PDE3A: variants seen among roughly 807,000 people sequenced by gnomAD.
PDE3A encodes the protein cGMP-inhibited 3',5'-cyclic phosphodiesterase 3A.
Under a neutral mutation model 98.3 loss-of-function variants are expected in PDE3A, and 43 were observed. That is an observed-to-expected ratio of 0.44 (90% confidence interval 0.34 to 0.56). The LOEUF is 0.56. Ranked by LOEUF, PDE3A falls within the 20% of genes least tolerant of loss-of-function variation. PDE3A has a pLI of 0.01. For missense variants in PDE3A, 1,427 were observed against 1,440.7 expected, an observed-to-expected ratio of 0.99 and a Z score of 0.15; for synonymous variants, 663 against 567.9, an observed-to-expected ratio of 1.17 and a Z score of -2.38.
chr12:20,533,736 T>A (rs1453836977), intron 1 of PDE3A, among the ~76,000 whole-genome samples: 1 of 146,482 alleles, frequency 6.8e-6, no homozygotes, highest in Non-Finnish European at 1.5e-5. Context: ...CCGCCCCCCT[T>A]TGGACTCCCA....
intron 1 of PDE3A, among the ~76,000 whole-genome samples, chr12:20,454,277 A>T (rs545194260): frequency 6.6e-6 from 1 of 151,788 alleles, no homozygotes; most frequent in Admixed American, 6.6e-5. Flanking sequence ...TTATTTTTTC[A>T]CTTCCTTGCC....
At position 20,616,211 on chromosome 12, in the gene PDE3A, AG is replaced by A; in HGVS notation, c.1270-18del. 1.2e-6 allele frequency: 2 copies of A among 1,611,242 alleles called. No individual in the cohort carries two copies. Among genetic ancestry groups the A allele is most frequent in the South Asian group, 1.1e-5 (1 of 90,902 alleles). ...AGATATAAAATATTCTGGGTAATGA[AG>A]TCAAGTCTCTTTCCTAGCGCCTGAG... On this transcript the variant is annotated intron_variant, in intron 3 of 15. Coordinates refer to ENST00000359062, the MANE Select transcript of PDE3A (RefSeq NM_000921.5).
At chr12:20,607,925 C>G (rs1450577803) in intron 2 of PDE3A, among the ~76,000 whole-genome samples, 1 of 152,214 alleles carries the variant, frequency 6.6e-6, no homozygotes, top group East Asian at 1.9e-4. Context: ...TAAAACATTT[C>G]TGAGTACCAT....
At chr12:20,410,047 C>G (rs1026952425) in intron 1 of PDE3A, among the ~76,000 whole-genome samples, 1 of 152,184 alleles carries the variant, frequency 6.6e-6, no homozygotes, top group Non-Finnish European at 1.5e-5. Context: ...TATTTTCTAT[C>G]CTACATGTCT....
At chr12:20,649,676 A>C (rs1207148023) in intron 13 of PDE3A, among the ~76,000 whole-genome samples, 3 of 152,178 alleles carry the variant, frequency 2.0e-5, no homozygotes, top group African/African-American at 4.8e-5. Flanking sequence ...CTATAATCTC[A>C]ACACTTTGGG....
intron 1 of PDE3A, among the ~76,000 whole-genome samples, chr12:20,462,997 C>G (rs1033856247): frequency 6.6e-6 from 1 of 152,018 alleles, no homozygotes; most frequent in Non-Finnish European, 1.5e-5. Flanking sequence ...GTCTCAAACT[C>G]CTGGCCTCAA....
rs1592187568 is a variant in PDE3A at position 20,683,555 on chromosome 12, T to C, written c.*3284T>C. The C allele has an allele frequency of 6.6e-6, 1 of 152,296 alleles. No individual in the cohort carries two copies. The highest frequency in any genetic ancestry group is 1.9e-4 in the East Asian group (1 of 5,186). The allele number at this position is 152,296 out of a possible 1,614,324, so 9.4% of individuals were successfully genotyped here. ...TATTTTCAGCATGCTAATAAATGTC[T>C]TTCCGGTTATATATCTATCTAAATT... On this transcript the variant is annotated 3_prime_UTR_variant, in exon 16 of 16. Transcript: ENST00000359062.
At chr12:20,479,917 G>A (rs1295145904) in intron 1 of PDE3A, among the ~76,000 whole-genome samples, 1 of 152,200 alleles carries the variant, frequency 6.6e-6, no homozygotes, top group Non-Finnish European at 1.5e-5. Flanking sequence ...TTGAGAAGCT[G>A]GGTGATCTAA....
At position 20,651,321 on chromosome 12, in the gene PDE3A, G is replaced by A. The variant is rs537893608; in HGVS notation, c.2925+721G>A. Among the ~76,000 whole-genome samples the A allele has an allele frequency of 2.0e-5, 3 of 152,244 alleles. No homozygotes were observed. The South Asian group carries it at 6.2e-4, about 32-fold the overall frequency. ...AACCACTCTTAAAAAGAATGTGGAGGTGAAGGAGCATGCATAAAGGACAGG... is the reference window on the plus strand; with the variant it reads ...AACCACTCTTAAAAAGAATGTGGAGATGAAGGAGCATGCATAAAGGACAGG... On this transcript the variant is annotated intron_variant, in intron 14 of 15. Transcript: ENST00000359062.
In PDE3A at chr12:20,654,204, A is replaced by G. The variant is rs541148222; in HGVS notation, c.3183A>G (p.Pro1061=). The part of the protein sequence containing the change: ...EEETCENNES[P]KKKTFKRRKI... ...AAACCTGTGAAAATAATGAATCTCC[A>G]AGTAAGTTCTAAAACCTAGTTCTAA... The change falls in exon 15 of 16, where the codon CCA becomes CCG. Residue 1061 remains proline, a splice_region_variant and synonymous_variant. Transcript: ENST00000359062. The G allele has an allele frequency of 8.1e-6, 13 of 1,613,472 alleles. No individual in the cohort carries two copies. The highest frequency in any genetic ancestry group is 2.7e-5 in the African/African-American group (2 of 74,874).
At chr12:20,423,976 G>A (rs1944564449) in intron 1 of PDE3A, among the ~76,000 whole-genome samples, 1 of 152,134 alleles carries the variant, frequency 6.6e-6, no homozygotes, top group African/African-American at 2.4e-5. Flanking sequence ...TGTGAGTGGA[G>A]TTATTGTGTT....
At chr12:20,419,407 C>T (rs552570888) in intron 1 of PDE3A, among the ~76,000 whole-genome samples, 4 of 152,032 alleles carry the variant, frequency 2.6e-5, no homozygotes, top group Non-Finnish European at 5.9e-5. Context: ...ATTCACCTGC[C>T]TTAGCCTCCC....
intron 2 of PDE3A, among the ~76,000 whole-genome samples, chr12:20,577,937 G>A (rs566449270): frequency 1.1e-4 from 17 of 152,208 alleles, no homozygotes; most frequent in East Asian, 9.7e-4. Context: ...GTGTGAATTC[G>A]GAAACAAGCT....
chr12:20,513,699 T>C (rs1565573596), intron 1 of PDE3A, among the ~76,000 whole-genome samples: 1 of 152,178 alleles, frequency 6.6e-6, no homozygotes, highest in Non-Finnish European at 1.5e-5. Flanking sequence ...ATTGTGTTGA[T>C]ATGTTATATT....
chr12:20,485,625 T>C (rs564434886), intron 1 of PDE3A, among the ~76,000 whole-genome samples: 1 of 152,212 alleles, frequency 6.6e-6, no homozygotes, highest in Non-Finnish European at 1.5e-5. Context: ...GATTTCATAA[T>C]GAACTCTCTG....
At chr12:20,396,108 A>G (rs903911384) in intron 1 of PDE3A, among the ~76,000 whole-genome samples, 3 of 152,132 alleles carry the variant, frequency 2.0e-5, no homozygotes, top group African/African-American at 7.2e-5. Flanking sequence ...CAAAAAACAT[A>G]CATTCCTTTT....
chr12:20,635,887 T>G (rs557381064), intron 8 of PDE3A, among the ~76,000 whole-genome samples: 142 of 152,280 alleles, frequency 9.3e-4, no homozygotes, highest in Non-Finnish European at 1.5e-3. Context: ...ATTATTGGTC[T>G]CTTAATGGTT....
intron 15 of PDE3A, among the ~76,000 whole-genome samples, chr12:20,654,442 A>G (rs1944992233): frequency 1.3e-5 from 2 of 152,150 alleles, no homozygotes; most frequent in Non-Finnish European, 2.9e-5. Flanking sequence ...TCATGAAGTT[A>G]GAAAAAAATA....
rs188647378 is a variant in PDE3A at position 20,534,721 on chromosome 12, C to T, written c.961-21939C>T. On this transcript the variant is annotated intron_variant, in intron 1 of 15. Coordinates refer to ENST00000359062, the MANE Select transcript of PDE3A (RefSeq NM_000921.5). The stretch of plus-strand genomic sequence containing the variant: ...TATTTAAAGGAATCATATTTTTCCC[C>T]TTTGAAATGTCTGTCCTTTATCTCC... Among the ~76,000 whole-genome samples the T allele has an allele frequency of 9.9e-5, 15 of 152,270 alleles. No homozygotes were observed. The East Asian group carries it at 2.5e-3, about 25-fold the overall frequency.
Sources: allele counts gnomAD v4.1 joint callset (sites outside exome capture counted in the v4.1 genomes callset), GRCh38; gene constraint gnomAD v4.1.1; transcripts MANE v1.5; gene names NCBI Gene and HGNC (gene_info 2026-07-23, HGNC 2026-07-21).